KLK13: variants seen among roughly 807,000 people sequenced by gnomAD.
KLK13 encodes the protein kallikrein-13.
In KLK13, 19 loss-of-function variants were observed where a neutral mutation model predicts 22.4. That is an observed-to-expected ratio of 0.85 (90% CI 0.59 to 1.24). The LOEUF (loss-of-function observed/expected upper bound fraction) is 1.24, where lower values mean the gene tolerates loss of function less well. Among genes scored for constraint, KLK13 ranks in the 50% most tolerant of loss-of-function variants. The pLI is 0.00. For synonymous variants in KLK13, 156 were observed against 141.8 expected (o/e 1.10, Z -0.71); for missense variants, 311 against 347.9 (o/e 0.89, Z 0.84).
At chr19:51,063,871 A>G (rs1334436725) in intron 1 of KLK13, 1 of 458,506 alleles carries the variant, frequency 2.2e-6, no homozygotes, top group Admixed American at 2.3e-5. Flanking sequence ...CCTCATGTCA[A>G]GATAATTATT....
rs530809566 is a variant in KLK13, at chr19:51,065,039, G to C, written c.29C>G (p.Ser10Cys). 7.1e-6 allele frequency: 11 copies of C among 1,553,286 alleles called. No homozygotes were observed. Among genetic ancestry groups the C allele is most frequent in the Non-Finnish European group, 5.2e-6 (6 of 1,148,278 alleles). Residue 10 changes from serine (S) to cysteine (C), a missense_variant, in exon 1 of 5, where the codon TCC becomes TGC. Transcript: ENST00000595793. ...ACCTCCTGACAAGGCCAAGGTCAGG[G>C]AGGCGATCACTAGGGCCAGGGGCCA... MWPLALVIA[S>C]LTLALSGGVS...
intron 1 of KLK13, among the ~76,000 whole-genome samples, chr19:51,062,221 C>CG (rs2091737404): frequency 6.6e-6 from 1 of 152,078 alleles, no homozygotes; most frequent in African/African-American, 2.4e-5. Context: ...ATGGAATATT[C>CG]TACTGGATGA....
rs750275912 is a variant in KLK13, at chr19:51,056,750, C to A, written c.671G>T (p.Cys224Phe). 1 of 1,613,998 alleles carries A rather than the reference C, an allele frequency of 6.2e-7. No homozygotes were observed. Among genetic ancestry groups the A allele is most frequent in the Non-Finnish European group, 8.5e-7 (1 of 1,179,962 alleles). The change falls in exon 5 of 5, where the codon TGT becomes TTT. Residue 224 changes from cysteine (C) to phenylalanine (F), a missense_variant. Transcript: ENST00000595793. ...CEGDSGGPLV[C>F]NRTLYGIVSW... ...GACGATGCCATACAGTGTTCTGTTACAGACCAGGGGGCCCCCAGAGTCACC... is the reference window on the plus strand; with the variant it reads ...GACGATGCCATACAGTGTTCTGTTAAAGACCAGGGGGCCCCCAGAGTCACC...
chr19:51,060,285 T>A (rs1343661440), intron 2 of KLK13, 148 bp downstream of exon 2: 3 of 1,033,076 alleles, frequency 2.9e-6, no homozygotes, highest in Non-Finnish European at 4.2e-6. Context: ...CCATACCCAA[T>A]CCCCATATCT....
chr19:51,065,200 C>A, upstream of KLK13: 1 of 604,598 alleles, frequency 1.7e-6, no homozygotes, highest in South Asian at 2.2e-5. Context: ...CTCATTCACT[C>A]TTGACAGCCC....
At chr19:51,061,273 T>C (rs150707410) in intron 1 of KLK13, among the ~76,000 whole-genome samples, 15 of 152,272 alleles carry the variant, frequency 9.9e-5, no homozygotes, top group African/African-American at 3.4e-4. Context: ...TATCCATCCA[T>C]GCATCCATCC....
In KLK13 at chr19:51,055,821, A is replaced by G. The variant is rs891856543; in HGVS notation, c.*766T>C. ...CTGACCAAGGATGTTCATGGAGGGG[A>G]TACAAGACGGAATATTTGGTAGACA... is the stretch of plus-strand genomic sequence containing the variant. On this transcript the variant is annotated 3_prime_UTR_variant, in exon 5 of 5. Coordinates refer to ENST00000595793, the MANE Select transcript of KLK13 (RefSeq NM_015596.3). Among the ~76,000 whole-genome samples the G allele has an allele frequency of 6.6e-6, 1 of 152,174 alleles. No individual in the cohort carries two copies. The highest frequency in any genetic ancestry group is 1.5e-5 in the Non-Finnish European group (1 of 68,038).
At chr19:51,065,097 C>A (rs968520192), upstream of KLK13, 1 of 347,242 alleles carries the variant, frequency 2.9e-6, no homozygotes. Context: ...GAGGGCAGGG[C>A]GGGCGGGGCC....
upstream of KLK13, among the ~76,000 whole-genome samples, chr19:51,065,621 C>T (rs184161249): frequency 1.7e-3 from 261 of 152,230 alleles, 4 homozygotes; most frequent in Admixed American, 0.014. Context: ...CCCGCCCCCG[C>T]CCCAGGCAGA....
intron 1 of KLK13, 128 bp downstream of exon 1, chr19:51,064,888 C>T (rs1195413470): frequency 4.3e-5 from 33 of 759,470 alleles, no homozygotes; most frequent in Non-Finnish European, 4.9e-5. Context: ...TGAGCTGTCC[C>T]CACTGGACCC....
At chr19:51,063,378 A>AG (rs931697588) in intron 1 of KLK13, among the ~76,000 whole-genome samples, 24 of 133,256 alleles carry the variant, frequency 1.8e-4, no homozygotes, top group African/African-American at 5.8e-4. Context: ...GAGTGAAAAA[A>AG]GAAGAAAAAA....
intron 1 of KLK13, chr19:51,063,439 G>C: frequency 3.1e-6 from 1 of 322,880 alleles, no homozygotes; most frequent in Non-Finnish European, 6.1e-6. Context: ...ATGGTTTTCA[G>C]AGCCTCAAGT....
rs1388341480 is a variant in KLK13, at chr19:51,056,704, A to G, written c.717T>C (p.Cys239=). 1 of 1,614,202 alleles carries G rather than the reference A, an allele frequency of 6.2e-7. No homozygotes were observed. Among genetic ancestry groups the G allele is most frequent in the Non-Finnish European group, 8.5e-7 (1 of 1,180,020 alleles). ...AGACACCAGGCCGGTCAGGTTGCCC[A>G]CATGGGAAGTCTCCCCAGGAGACGA... The part of the protein sequence containing the change: ...YGIVSWGDFP[C]GQPDRPGVYT... The change falls in exon 5 of 5, where the codon TGT becomes TGC. Residue 239 remains cysteine, a synonymous_variant. Transcript: ENST00000595793.
rs768225098 is a variant in KLK13, at chr19:51,060,618, A to G, written c.54T>C (p.Gly18=). Reference sequence around the variant, plus strand: ...GAACCTTGGAAGACTCCTGGGAGACACCTGGTAAAGAAGAGAGATTGTTAG... The same window carrying G: ...GAACCTTGGAAGACTCCTGGGAGACGCCTGGTAAAGAAGAGAGATTGTTAG... ...IASLTLALSG[G]VSQESSKVLN... The change falls in exon 2 of 5, where the codon GGT becomes GGC. Residue 18 remains glycine, a splice_region_variant and synonymous_variant. Transcript: ENST00000595793. The G allele has an allele frequency of 1.3e-6, 2 of 1,587,922 alleles. No individual in the cohort carries two copies. The highest frequency in any genetic ancestry group is 1.7e-6 in the Non-Finnish European group (2 of 1,161,536).
At chr19:51,060,162 C>G (rs1309868241) in intron 2 of KLK13, 69 bp from the exon 3 acceptor site, 1 of 1,572,662 alleles carries the variant, frequency 6.4e-7, no homozygotes, top group Non-Finnish European at 8.6e-7. Flanking sequence ...CCAGCCCCAA[C>G]CTCTTCCCAT....
At chr19:51,060,726 AC>A in intron 1 of KLK13, 107 bp from the exon 2 acceptor site, 1 of 834,520 alleles carries the variant, frequency 1.2e-6, no homozygotes, top group Non-Finnish European at 1.9e-6. Context: ...GCCCTGGGTG[AC>A]CAGGAACTGA....
Position 51,059,943 on chromosome 19 carries a change from C to T in KLK13, c.390G>A (p.Leu130=). 1 of 1,612,366 alleles carries T rather than the reference C, an allele frequency of 6.2e-7. No individual in the cohort carries two copies. The highest frequency in any genetic ancestry group is 1.3e-5 in the African/African-American group (1 of 74,968). ...AGCCTGTGAGCTGGACCGGGGACTG[C>T]AGCTCCAGAAGCATGATGTCATGGT... The part of the protein sequence containing the change: ...NHDHDIMLLE[L]QSPVQLTGYI... Residue 130 remains leucine (L), a synonymous_variant, in exon 3 of 5, where the codon CTG becomes CTA. Coordinates refer to ENST00000595793, the MANE Select transcript of KLK13 (RefSeq NM_015596.3).
chr19:51,065,446 C>T (rs909366999), upstream of KLK13, among the ~76,000 whole-genome samples: 3 of 152,142 alleles, frequency 2.0e-5, no homozygotes, highest in African/African-American at 7.2e-5. Context: ...TTGGTATTAG[C>T]CCAAGTTCTT....
chr19:51,064,811 G>C, intron 1 of KLK13: 1 of 609,242 alleles, frequency 1.6e-6, no homozygotes, highest in South Asian at 2.0e-5. Context: ...GGAGGTGAAG[G>C]GTCTGGGGTC....
Sources: allele counts gnomAD v4.1 joint callset (sites outside exome capture counted in the v4.1 genomes callset), GRCh38; gene constraint gnomAD v4.1.1; transcripts MANE v1.5; gene names NCBI Gene and HGNC (gene_info 2026-07-23, HGNC 2026-07-21).